Variants in USH2A observed in about 807,000 individuals in gnomAD.
The protein encoded by USH2A is Usher syndrome 2A (autosomal recessive, mild).
USH2A carries 443 observed loss-of-function variants against 538.9 expected under a neutral mutation model. The observed-to-expected ratio is 0.82, with a 90% CI of 0.76 to 0.89. USH2A has a LOEUF of 0.89. USH2A is among the 40% of genes least tolerant of loss of function. The pLI is 0.00. For synonymous variants in USH2A, 2,413 were observed against 2,273.5 expected, an observed-to-expected ratio of 1.06 and a Z score of -1.75; for missense variants, 6,633 against 6,324.8, an observed-to-expected ratio of 1.05 and a Z score of -1.65.
At chr1:215,676,518 A>G (rs1041972676) in intron 62 of USH2A, among the ~76,000 whole-genome samples, 1 of 152,196 alleles carries the variant, frequency 6.6e-6, no homozygotes, top group African/African-American at 2.4e-5. Context: ...CACATTTTAC[A>G]GCCCTTGGAA....
At chr1:216,356,058 T>G (rs1042112748) in intron 4 of USH2A, among the ~76,000 whole-genome samples, 13 of 152,142 alleles carry the variant, frequency 8.5e-5, no homozygotes, top group Non-Finnish European at 1.5e-4. Flanking sequence ...AGAAGTTATA[T>G]TCTTTGCCAA....
In USH2A at chr1:216,423,349, T is replaced by C. The variant is rs745603236; in HGVS notation, c.-340A>G. On this transcript the variant is annotated 5_prime_UTR_variant, in exon 1 of 72. Transcript: ENST00000307340. ...AAATAGGCTGTAGCAGCAGGAATGC[T>C]GGAAGGAAGACTTGGGTGCCCAGGT... 1 of 152,132 alleles carries C rather than the reference T, an allele frequency of 6.6e-6. No individual in the cohort carries two copies. The highest frequency in any genetic ancestry group is 1.5e-5 in the Non-Finnish European group (1 of 68,044). The allele number at this position is 152,132 out of a possible 1,614,324, so 9.4% of individuals were successfully genotyped here.
At chr1:215,627,413 C>CTTCT (rs1656073748) in intron 71 of USH2A, among the ~76,000 whole-genome samples, 6 of 109,146 alleles carry the variant, frequency 5.5e-5, no homozygotes, top group African/African-American at 1.8e-4. Context: ...TCCTTCCTTC[C>CTTCT]TTCCTTCCTT....
Position 215,790,216 on chromosome 1 carries a change from C to A in USH2A, c.10025G>T (p.Gly3342Val), listed in dbSNP as rs1321238844. ...CTTTTTAATATGTGCTTTAGACTCT[C>A]CACTGGAAGCTGAGCAGCATATGGT... ...SDTICCSASSGESKAHIKKND... is the reference protein window; with the variant it reads ...SDTICCSASSVESKAHIKKND... Residue 3342 changes from glycine to valine, a missense_variant, in exon 51 of 72, where the codon GGA (glycine) becomes GTA (valine). Transcript: ENST00000307340. 1.2e-6 allele frequency: 2 copies of A among 1,614,088 alleles called. No homozygotes were observed. Among genetic ancestry groups the A allele is most frequent in the South Asian group, 2.2e-5 (2 of 91,084 alleles).
Position 215,624,284 on chromosome 1 carries a change from G to C in USH2A, c.*1497C>G, listed in dbSNP as rs924636889. On this transcript the variant is annotated 3_prime_UTR_variant, in exon 72 of 72. Coordinates refer to ENST00000307340, the MANE Select transcript of USH2A (RefSeq NM_206933.4). ...ACTTTGTCTAGGAGTTGGTCAGTCTGAGGAGCTGCTCTCTCACAGAGCTAG... is the reference window on the plus strand; with the variant it reads ...ACTTTGTCTAGGAGTTGGTCAGTCTCAGGAGCTGCTCTCTCACAGAGCTAG... 20 of 152,272 alleles carry C rather than the reference G, an allele frequency of 1.3e-4. No homozygotes were observed. Among genetic ancestry groups the C allele is most frequent in the Admixed American group, 9.2e-4 (14 of 15,276 alleles). The allele number at this position is 152,272 out of a possible 1,614,324, so 9.4% of individuals were successfully genotyped here.
chr1:216,089,261 C>CAGAGA (rs1447579735), intron 22 of USH2A, 122 bp from the exon 23 acceptor site: 1 of 1,065,956 alleles, frequency 9.4e-7, no homozygotes, highest in Non-Finnish European at 1.4e-6. Context: ...AGCATGCATA[C>CAGAGA]ATTTCAAACA....
At chr1:216,023,472 A>AAAAAAAAAAAAAAAAAAAAAAAAT (rs1668891221) in intron 32 of USH2A, among the ~76,000 whole-genome samples, 1 of 149,352 alleles carries the variant, frequency 6.7e-6, no homozygotes, top group Non-Finnish European at 1.5e-5. Flanking sequence ...AAAAAAAAAA[A>AAAAAAAAAAAAAAAAAAAAAAAAT]AAAAAAAAAA....
rs546453526 is a variant in USH2A, at chr1:216,290,536, C to G, written c.1841-1126G>C. 3.3e-5 allele frequency among the ~76,000 whole-genome samples: 5 copies of G among 152,280 alleles called. No homozygotes were observed. In the South Asian group the frequency reaches 1.0e-3, roughly 32 times the overall value. On this transcript the variant is annotated intron_variant, in intron 10 of 71. Transcript: ENST00000307340. ...CTCTTTCACAAAGCTCTCTTACAGT[C>G]TAGGAGGTAAGAGGAATCTGAACTA...
chr1:216,372,889 T>C (rs1430967143), intron 3 of USH2A, among the ~76,000 whole-genome samples: 1 of 152,196 alleles, frequency 6.6e-6, no homozygotes, highest in African/African-American at 2.4e-5. Flanking sequence ...ATTTTACTCA[T>C]GGAGAACAGA....
chr1:215,838,288 C>T (rs547126849), intron 46 of USH2A, among the ~76,000 whole-genome samples, 185 bp from the exon 47 acceptor site: 30 of 152,116 alleles, frequency 2.0e-4, no homozygotes, highest in African/African-American at 4.1e-4. Flanking sequence ...GAGGAAGGTA[C>T]GGAATTGGGA....
At chr1:216,120,547 T>C (rs1464472902) in intron 21 of USH2A, among the ~76,000 whole-genome samples, 1 of 150,620 alleles carries the variant, frequency 6.6e-6, no homozygotes, top group African/African-American at 2.4e-5. Context: ...GCCCAGCTAA[T>C]CTCTTGCATT....
intron 11 of USH2A, among the ~76,000 whole-genome samples, chr1:216,279,038 C>T (rs753172149): frequency 1.3e-4 from 20 of 152,090 alleles, no homozygotes; most frequent in Admixed American, 3.3e-4. Context: ...CTTTCCATTT[C>T]GTCTAATTCA....
At chr1:215,812,813 T>C (rs931409497) in intron 49 of USH2A, among the ~76,000 whole-genome samples, 19 of 152,334 alleles carry the variant, frequency 1.2e-4, no homozygotes, top group African/African-American at 4.6e-4. Flanking sequence ...TCTTAAATAG[T>C]CCTTTTAAAA....
chr1:215,800,965 G>A (rs968199961), intron 49 of USH2A, among the ~76,000 whole-genome samples: 1 of 152,066 alleles, frequency 6.6e-6, no homozygotes, highest in Non-Finnish European at 1.5e-5. Flanking sequence ...GGAATACCAG[G>A]ATGGGTCAAT....
chr1:216,381,578 AC>A (rs2038923742), intron 3 of USH2A, among the ~76,000 whole-genome samples: 1 of 152,122 alleles, frequency 6.6e-6, no homozygotes, highest in African/African-American at 2.4e-5. Flanking sequence ...AAAGTAACCA[AC>A]CCTCCTCTTT....
chr1:215,678,267 C>T (rs78439003), intron 62 of USH2A, among the ~76,000 whole-genome samples: 1,630 of 152,252 alleles, frequency 0.011, 31 homozygotes, highest in African/African-American at 0.035. Flanking sequence ...TTTTTCATTG[C>T]ACTTGGAACA....
intron 30 of USH2A, among the ~76,000 whole-genome samples, chr1:216,058,436 A>G (rs1330375175): frequency 6.7e-6 from 1 of 149,132 alleles, no homozygotes; most frequent in Non-Finnish European, 1.5e-5. Context: ...ACTAGCATGG[A>G]ACGTGGTAGA....
intron 38 of USH2A, among the ~76,000 whole-genome samples, chr1:215,924,782 T>C (rs1311437180): frequency 6.6e-6 from 1 of 152,154 alleles, no homozygotes; most frequent in Non-Finnish European, 1.5e-5. Context: ...GATTTTATTT[T>C]ATTTTTTTAA....
At position 216,330,178 on chromosome 1, in the gene USH2A, A is replaced by C. The variant is rs144596043; in HGVS notation, c.785-2524T>G. Among the ~76,000 whole-genome samples, 1,100 of 152,260 alleles carry C rather than the reference A, an allele frequency of 7.2e-3. 2 individuals carry two copies. Among genetic ancestry groups the C allele is most frequent in the Middle Eastern group, 0.01 (3 of 294 alleles). ...GATTCATTCACAAGTATTTATTGGA[A>C]GCCTATTATGTGCCAGGCACTTTCA... On this transcript the variant is annotated intron_variant, in intron 4 of 71. Coordinates refer to ENST00000307340, the MANE Select transcript of USH2A (RefSeq NM_206933.4).
Sources: gnomAD v4.1 joint callset for allele counts (sites outside exome capture counted in the v4.1 genomes callset) on GRCh38, gnomAD v4.1.1 for gene constraint, MANE v1.5 for transcripts, NCBI Gene and HGNC (gene_info 2026-07-23, HGNC 2026-07-21) for gene names.